THSD7B: variants seen among roughly 807,000 people sequenced by gnomAD.
THSD7B encodes the protein thrombospondin type-1 domain-containing protein 7B.
THSD7B carries 138 observed loss-of-function variants against 213.6 expected under a neutral mutation model. That is an observed-to-expected ratio of 0.65 (90% CI 0.56 to 0.74). The LOEUF is 0.74. THSD7B is among the 30% of genes least tolerant of loss of function. The probability of loss-of-function intolerance (pLI) is 0.00; values close to 1 mark genes in which losing one functional copy is unlikely to be tolerated. For missense variants in THSD7B, 1,931 were observed against 1,991.5 expected (o/e 0.97, Z 0.58); for synonymous variants, 742 against 687.0 (o/e 1.08, Z -1.25).
chr2:137,614,609 T>A (rs72983463), intron 17 of THSD7B, among the ~76,000 whole-genome samples: 6,143 of 152,250 alleles, frequency 0.04, 402 homozygotes, highest in African/African-American at 0.14. Flanking sequence ...AAAATAGTGA[T>A]AAATTATTGG....
At chr2:136,830,344 T>C (rs1299439481) in intron 1 of THSD7B, among the ~76,000 whole-genome samples, 1 of 152,134 alleles carries the variant, frequency 6.6e-6, no homozygotes, top group Non-Finnish European at 1.5e-5. Context: ...TAATGAACAT[T>C]TTCTTCCATT....
chr2:137,673,048 G>T (rs1683613718), intron 27 of THSD7B, among the ~76,000 whole-genome samples: 1 of 152,152 alleles, frequency 6.6e-6, no homozygotes. Context: ...TTTGAGAGTG[G>T]TACTTGCACC....
At chr2:136,812,358 A>T (rs993639471) in intron 1 of THSD7B, among the ~76,000 whole-genome samples, 7 of 152,250 alleles carry the variant, frequency 4.6e-5, no homozygotes, top group African/African-American at 1.7e-4. Context: ...AAAAATTCAC[A>T]GTACTTTAGT....
intron 12 of THSD7B, among the ~76,000 whole-genome samples, chr2:137,357,000 A>G (rs1199383791): frequency 6.7e-6 from 1 of 149,784 alleles, no homozygotes; most frequent in Non-Finnish European, 1.5e-5. Flanking sequence ...ACACACACAC[A>G]CACACTTTAA....
chr2:136,984,788 G>C (rs916337069), intron 2 of THSD7B, among the ~76,000 whole-genome samples: 2 of 152,152 alleles, frequency 1.3e-5, no homozygotes, highest in Non-Finnish European at 2.9e-5. Flanking sequence ...AAATTGCTTA[G>C]GGACTGTTAA....
intron 15 of THSD7B, among the ~76,000 whole-genome samples, chr2:137,535,006 AT>A (rs1366858982): frequency 7.7e-6 from 1 of 130,406 alleles, no homozygotes; most frequent in Non-Finnish European, 1.7e-5. Context: ...ATTTTTCTCC[AT>A]TTTTCTCTAA....
intron 7 of THSD7B, among the ~76,000 whole-genome samples, chr2:137,226,022 A>T (rs10196567): frequency 0.43 from 65,737 of 151,452 alleles, 15,167 homozygotes; most frequent in African/African-American, 0.52. Context: ...GATTTTAAAA[A>T]TGGAATTAAA....
At chr2:136,850,489 T>A (rs1038713227) in intron 1 of THSD7B, among the ~76,000 whole-genome samples, 4 of 152,056 alleles carry the variant, frequency 2.6e-5, no homozygotes, top group Admixed American at 1.3e-4. Context: ...TGTCAATTTT[T>A]AAAAAGGGTT....
At chr2:136,945,047 T>C (rs1684910578) in intron 2 of THSD7B, among the ~76,000 whole-genome samples, 2 of 152,324 alleles carry the variant, frequency 1.3e-5, no homozygotes, top group Admixed American at 6.5e-5. Flanking sequence ...TTTCCATTTT[T>C]AGTGCCTCCT....
chr2:137,088,853 A>C (rs979220898), intron 3 of THSD7B, among the ~76,000 whole-genome samples: 4 of 152,248 alleles, frequency 2.6e-5, no homozygotes, highest in African/African-American at 9.6e-5. Flanking sequence ...ACAAATGGCC[A>C]ACAAACATTT....
Position 137,231,059 on chromosome 2 carries a change from G to C in THSD7B, c.1739G>C (p.Gly580Ala), listed in dbSNP as rs865992105. 3 of 1,613,230 alleles carry C rather than the reference G, an allele frequency of 1.9e-6. No homozygotes were observed. In the Admixed American group the frequency reaches 5.0e-5, roughly 27 times the overall value. The change falls in exon 8 of 28, where the codon GGG (glycine) becomes GCG (alanine). Residue 580 changes from glycine to alanine, a missense_variant. Gly to Ala is a moderately conservative substitution (Grantham distance 60). Coordinates refer to ENST00000409968, the MANE Select transcript of THSD7B (RefSeq NM_001316349.2). Reference sequence around the variant, plus strand: ...TTGATTGTAGGAGAAGATGTATCAGGGAGTCTTTGCCCAGTTCCCCCTCCT... The same window carrying C: ...TTGATTGTAGGAGAAGATGTATCAGCGAGTCTTTGCCCAGTTCCCCCTCCT... ...CQNDRGEDVS[G>A]SLCPVPPPPE... is the part of the protein sequence containing the mutation.
intron 2 of THSD7B, among the ~76,000 whole-genome samples, chr2:136,925,296 A>G (rs1166419174): frequency 6.6e-6 from 1 of 152,160 alleles, no homozygotes; most frequent in Non-Finnish European, 1.5e-5. Context: ...TGAGTATGTT[A>G]TAGGCATGGA....
chr2:137,639,167 C>T (rs773181637), intron 20 of THSD7B, among the ~76,000 whole-genome samples: 7 of 152,036 alleles, frequency 4.6e-5, no homozygotes, highest in Non-Finnish European at 1.0e-4. Context: ...GGAGTCCCAG[C>T]AGGAAAAGTG....
chr2:137,276,103 T>C, intron 12 of THSD7B, 77 bp downstream of exon 12: 1 of 1,013,188 alleles, frequency 9.9e-7, no homozygotes. Flanking sequence ...TTGCTTACTT[T>C]TATATTTGAA....
intron 5 of THSD7B, among the ~76,000 whole-genome samples, chr2:137,148,738 T>C (rs948601989): frequency 2.0e-5 from 3 of 152,090 alleles, no homozygotes; most frequent in Admixed American, 6.6e-5. Flanking sequence ...TGTGGAAGTT[T>C]GAACTTGAGA....
intron 14 of THSD7B, among the ~76,000 whole-genome samples, chr2:137,446,623 C>T (rs1183318591): frequency 6.6e-6 from 1 of 152,018 alleles, no homozygotes; most frequent in Non-Finnish European, 1.5e-5. Flanking sequence ...ATGACTACTT[C>T]ACCCCTAATT....
In THSD7B at chr2:136,792,225, C is replaced by G. The variant is rs61245202; in HGVS notation, c.-36+26538C>G. 6.5e-3 allele frequency among the ~76,000 whole-genome samples: 994 copies of G among 151,920 alleles called. 21 individuals are homozygous for G. The highest frequency in any genetic ancestry group is 0.022 in the African/African-American group (932 of 41,450). ...CCCTAAAATTTCCTCTGTGAGGAAA[C>G]TTAAGTGCAAATTGTAAGTGAAAGG... On this transcript the variant is annotated intron_variant, in intron 1 of 27. Transcript: ENST00000409968.
intron 15 of THSD7B, chr2:137,538,443 T>C (rs749306135): frequency 2.0e-6 from 1 of 500,816 alleles, no homozygotes; most frequent in Non-Finnish European, 3.9e-6. Flanking sequence ...TATAATTTTC[T>C]TTCCCTTTTG....
intron 15 of THSD7B, among the ~76,000 whole-genome samples, chr2:137,515,486 G>A (rs1381522870): frequency 6.6e-6 from 1 of 152,134 alleles, no homozygotes; most frequent in Non-Finnish European, 1.5e-5. Context: ...CTACAGGTGA[G>A]GTTCAGAGTG....
Sources: allele counts gnomAD v4.1 joint callset (sites outside exome capture counted in the v4.1 genomes callset), GRCh38; gene constraint gnomAD v4.1.1; transcripts MANE v1.5; gene names NCBI Gene and HGNC (gene_info 2026-07-23, HGNC 2026-07-21).